Variants in MYBPH observed in about 807,000 individuals in gnomAD.
MYBPH encodes the protein myosin binding protein H.
In MYBPH, 49 loss-of-function variants were observed where a neutral mutation model predicts 53.6. The ratio of observed to expected loss-of-function variants is 0.91; its 90% CI spans 0.73 to 1.16. The LOEUF is 1.16. Among genes scored for constraint, MYBPH ranks in the 50% most tolerant of loss-of-function variants. The probability of loss-of-function intolerance (pLI) is 0.00; values close to 1 mark genes in which losing one functional copy is unlikely to be tolerated. For synonymous variants in MYBPH, 239 were observed against 249.6 expected (o/e 0.96, Z 0.40); for missense variants, 558 against 624.1 (o/e 0.89, Z 1.13).
Position 203,175,801 on chromosome 1 carries a change from C to T in MYBPH, c.-46G>A, listed in dbSNP as rs373385519. 9.4e-6 allele frequency: 15 copies of T among 1,599,186 alleles called. No homozygotes were observed. The highest frequency in any genetic ancestry group is 4.0e-5 in the African/African-American group (3 of 74,510). On this transcript the variant is annotated 5_prime_UTR_variant, in exon 1 of 11. Transcript: ENST00000255416. ...CAGGGTGGAGTGTGCAGGGGTCAGCCGTTGGGGGGCCTGGGCCTCTAGGGT... is the reference window on the plus strand; with the variant it reads ...CAGGGTGGAGTGTGCAGGGGTCAGCTGTTGGGGGGCCTGGGCCTCTAGGGT...
Position 203,175,805 on chromosome 1 carries a change from G to A in MYBPH, c.-50C>T, listed in dbSNP as rs577387043. ...GTGGAGTGTGCAGGGGTCAGCCGTT[G>A]GGGGGCCTGGGCCTCTAGGGTGCCT... On this transcript the variant is annotated 5_prime_UTR_variant, in exon 1 of 11. Transcript: ENST00000255416. The A allele has an allele frequency of 1.5e-4, 244 of 1,590,498 alleles. 2 individuals carry two copies. The South Asian group carries it at 2.5e-3, about 17-fold the overall frequency.
At chr1:203,176,657 GC>G (rs1215199950), upstream of MYBPH, among the ~76,000 whole-genome samples, 1 of 152,180 alleles carries the variant, frequency 6.6e-6, no homozygotes, top group Admixed American at 6.5e-5. Context: ...GGCAGATATG[GC>G]CAGATTTCTA....
upstream of MYBPH, among the ~76,000 whole-genome samples, chr1:203,176,043 C>A (rs111887817): frequency 6.6e-5 from 10 of 152,276 alleles, no homozygotes; most frequent in Middle Eastern, 3.4e-3. Context: ...TGCTGGTGCC[C>A]AGCTGGGGGA....
At chr1:203,179,138 G>A (rs552222824), upstream of MYBPH, 2 of 239,336 alleles carry the variant, frequency 8.4e-6, no homozygotes. Flanking sequence ...GGGCTGGGGG[G>A]CAGGGAGTTG....
chr1:203,168,670 C>G lies in MYBPH; in HGVS notation c.1423G>C (p.Ala475Pro). ...CTCCTCCCGTGACTTCAGTGTGCGGCTGAGGCTGGAAGAGATGCTGCAGTT... is the reference window on the plus strand; with the variant it reads ...CTCCTCCCGTGACTTCAGTGTGCGGGTGAGGCTGGAAGAGATGCTGCAGTT... The part of the protein sequence containing the change: ...VDCRLEVKAS[A>P]AH Residue 475 changes from alanine (A) to proline (P), a missense_variant, in exon 10 of 11, where the codon GCC (alanine) becomes CCC (proline). Coordinates refer to ENST00000255416, the MANE Select transcript of MYBPH (RefSeq NM_004997.3). 6.4e-7 allele frequency: 1 copy of G among 1,561,392 alleles called. No homozygotes were observed. The highest frequency in any genetic ancestry group is 2.4e-5 in the East Asian group (1 of 41,318).
chr1:203,175,335 C>G lies in MYBPH; in HGVS notation c.332G>C (p.Arg111Thr). 1 of 1,520,682 alleles carries G rather than the reference C, an allele frequency of 6.6e-7. No individual in the cohort carries two copies. Among genetic ancestry groups the G allele is most frequent in the Non-Finnish European group, 8.8e-7 (1 of 1,136,860 alleles). 94.2% of individuals were successfully genotyped at this position (1,520,682 alleles called of 1,614,324 possible). A position where few individuals can be genotyped will look rare whatever the true frequency, so the allele number is the denominator to read the frequency against. The change falls in exon 2 of 11, where the codon AGA becomes ACA. Residue 111 changes from arginine (R) to threonine (T), a missense_variant. Arg to Thr is a moderately conservative substitution (Grantham distance 71). Coordinates refer to ENST00000255416, the MANE Select transcript of MYBPH (RefSeq NM_004997.3). The stretch of plus-strand genomic sequence containing the variant: ...CTTAGCCCAGCACTCACCTCCCTCT[C>G]TGCAGAGCTCCAGCACATAGCCCTG... The part of the protein sequence containing the change: ...GLQGYVLELC[R>T]EGASEWVPVS...
Position 203,175,684 on chromosome 1 carries a change from C to T in MYBPH, c.72G>A (p.Val24=). The T allele has an allele frequency of 6.2e-7, 1 of 1,614,070 alleles. No homozygotes were observed. The highest frequency in any genetic ancestry group is 8.5e-7 in the Non-Finnish European group (1 of 1,180,002). ...CTTCTCCGGGAGGCTCTGCTGTGGGCACCTTGGCAGATTCAGATGCGGTCT... is the reference window on the plus strand; with the variant it reads ...CTTCTCCGGGAGGCTCTGCTGTGGGTACCTTGGCAGATTCAGATGCGGTCT... ...PEETASESAK[V]PTAEPPGEVA... The change falls in exon 1 of 11, where the codon GTG becomes GTA. Residue 24 remains valine, a synonymous_variant. Coordinates refer to ENST00000255416, the MANE Select transcript of MYBPH (RefSeq NM_004997.3).
At position 203,171,937 on chromosome 1, in the gene MYBPH, G is replaced by A. The variant is rs1312816770; in HGVS notation, c.597+15C>T. On this transcript the variant is annotated intron_variant, in intron 4 of 10. Coordinates refer to ENST00000255416, the MANE Select transcript of MYBPH (RefSeq NM_004997.3). This position sits in a 1 kb window ranked among gnomAD's most constrained non-coding sequence, Gnocchi z 4.2. ...TCCCACCCAGGCTGTTACCCTTGGT[G>A]GGGGTAATACCCACCTGGAAGGGGA... 3.8e-6 allele frequency: 5 copies of A among 1,323,078 alleles called. No individual in the cohort carries two copies. In the South Asian group the frequency reaches 8.8e-5, roughly 23 times the overall value. 82.0% of individuals were successfully genotyped at this position (1,323,078 alleles called of 1,614,324 possible).
Position 203,174,450 on chromosome 1 carries a change from A to G in MYBPH, c.488T>C (p.Ile163Thr). ...AGPPAMLDQP[I>T]HIRENIEAPK... is the part of the protein sequence containing the mutation. ...TTTACCAATGTTCTCTCGGATGTGG[A>G]TGGGCTGGTCCAGCATGGCCGGCGG... is the stretch of plus-strand genomic sequence containing the variant. The change falls in exon 3 of 11, where the codon ATC becomes ACC. Residue 163 changes from isoleucine to threonine, a missense_variant. Transcript: ENST00000255416. The G allele has an allele frequency of 6.2e-7, 1 of 1,603,002 alleles. No homozygotes were observed. Among genetic ancestry groups the G allele is most frequent in the Non-Finnish European group, 8.5e-7 (1 of 1,171,732 alleles).
Position 203,171,990 on chromosome 1 carries a change from G to A in MYBPH, c.559C>T (p.Gln187Ter), listed in dbSNP as rs1166905051. 2 of 1,326,000 alleles carry A rather than the reference G, an allele frequency of 1.5e-6. No individual in the cohort carries two copies. Among genetic ancestry groups the A allele is most frequent in the African/African-American group, 3.0e-5 (2 of 66,530 alleles). The allele number at this position is 1,326,000 out of a possible 1,614,324, so 82.1% of individuals were successfully genotyped here. A position where few individuals can be genotyped will look rare whatever the true frequency, so the allele number is the denominator to read the frequency against. The change falls in exon 4 of 11, where the codon CAG (glutamine) becomes TAG (stop). Residue 187 changes from glutamine to a stop codon, truncating the protein, a stop_gained. Coordinates refer to ENST00000255416, the MANE Select transcript of MYBPH (RefSeq NM_004997.3). LOFTEE classifies it high-confidence loss of function. This position sits in a 1 kb window ranked among gnomAD's most constrained non-coding sequence, Gnocchi z 4.2. ...PRHLRQTYIR[Q>*]VGETVNLQIP... ...TGCAGGTTGACCGTCTCTCCCACCT[G>A]GCGGATGTAGGTCTGACGGAGGTGG...
Position 203,169,033 on chromosome 1 carries a change from G to A in MYBPH, c.1290C>T (p.Ala430=), listed in dbSNP as rs775325404. The change falls in exon 9 of 11, where the codon GCC becomes GCT. Residue 430 remains alanine, a synonymous_variant. Coordinates refer to ENST00000255416, the MANE Select transcript of MYBPH (RefSeq NM_004997.3). ...GGGTGCAGACGCCTTGCTCAGAGAG[G>A]GCGCGGTATTTGGGGTTGCCCTGGA... ...MEIQGNPKYR[A]LSEQGVCTLE... is the part of the protein sequence containing the mutation. 4.3e-6 allele frequency: 7 copies of A among 1,613,838 alleles called. No homozygotes were observed. The Admixed American group carries it at 1.2e-4, about 27-fold the overall frequency.
At chr1:203,170,681 C>T (rs936858173) in intron 6 of MYBPH, among the ~76,000 whole-genome samples, 3 of 152,266 alleles carry the variant, frequency 2.0e-5, no homozygotes, top group African/African-American at 7.2e-5. Context: ...CAAAGTGTGG[C>T]CCATGGATGT....
chr1:203,168,780 TA>T (rs1180882348), intron 9 of MYBPH, 105 bp from the exon 10 acceptor site: 66 of 1,591,180 alleles, frequency 4.1e-5, no homozygotes, highest in Non-Finnish European at 5.3e-5. Context: ...GCTTGGAAAG[TA>T]ATCAGCACAG....
chr1:203,174,944 C>T (rs1361233858), intron 2 of MYBPH, among the ~76,000 whole-genome samples: 1 of 152,058 alleles, frequency 6.6e-6, no homozygotes, highest in African/African-American at 2.4e-5. Flanking sequence ...ACCCCATTCC[C>T]GCTTTCTCCT....
intron 3 of MYBPH, among the ~76,000 whole-genome samples, chr1:203,173,451 G>T (rs569971774): frequency 6.6e-6 from 1 of 152,200 alleles, no homozygotes; most frequent in Non-Finnish European, 1.5e-5. Context: ...TCAGACTCTG[G>T]GACTGCCAAT....
At position 203,168,362 on chromosome 1, in the gene MYBPH, C is replaced by T. The variant is rs534795680; in HGVS notation, c.*32+265G>A. ...AATGTGTCCAAAGAGAACACCCTTG[C>T]TGAAGATCACTCAGAGCTGGGAGTA... On this transcript the variant is annotated intron_variant, in intron 10 of 10. Transcript: ENST00000255416. 3.3e-5 allele frequency among the ~76,000 whole-genome samples: 5 copies of T among 152,346 alleles called. No homozygotes were observed. In the East Asian group the frequency reaches 9.6e-4, roughly 29 times the overall value.
chr1:203,175,594 G>A lies in MYBPH; in HGVS notation c.162C>T (p.Ala54=). Residue 54 remains alanine (A), a synonymous_variant, in exon 1 of 11, where the codon GCC becomes GCT. Transcript: ENST00000255416. ...VPKPQAPAPQ[A]PTASTATKPA... ...GCTTAGTGGCTGTGGAGGCTGTAGG[G>A]GCCTGTGGGGCAGGGGCCTGCGGCT... The A allele has an allele frequency of 1.9e-6, 3 of 1,613,852 alleles. No homozygotes were observed. The highest frequency in any genetic ancestry group is 1.7e-6 in the Non-Finnish European group (2 of 1,180,010).
At position 203,171,543 on chromosome 1, in the gene MYBPH, G is replaced by A. The variant is rs3737875; in HGVS notation, c.633C>T (p.Asn211=). ...KPKPQATWTH[N]GHALDSQRVS... is the part of the protein sequence containing the mutation. ...CCCGCTGGCTGTCCAGGGCATGGCC[G>A]TTGTGGGTCCATGTGGCCTGAGGCT... The change falls in exon 5 of 11, where the codon AAC becomes AAT. Residue 211 remains asparagine, a synonymous_variant. Transcript: ENST00000255416. The surrounding 1 kb of genome is among the most constrained non-coding windows in gnomAD (Gnocchi z 4.2). 0.11 allele frequency: 176,320 copies of A among 1,613,136 alleles called. 11,651 individuals carry two copies. The highest frequency in any genetic ancestry group is 0.37 in the East Asian group (16,446 of 44,860).
Position 203,170,462 on chromosome 1 carries a change from C to T in MYBPH, c.934-12G>A, listed in dbSNP as rs758297923. ...ACTGTGAACCATTGCTGCAGGGCCC[C>T]GGGTGTCACCCTCATTTCTCACCCC... On this transcript the variant is annotated splice_polypyrimidine_tract_variant and intron_variant, in intron 6 of 10. Transcript: ENST00000255416. 26 of 1,612,742 alleles carry T rather than the reference C, an allele frequency of 1.6e-5. 1 individual carries two copies. Among genetic ancestry groups the T allele is most frequent in the Middle Eastern group, 3.3e-4 (2 of 6,050 alleles).
Sources: gnomAD v4.1 joint callset for allele counts (sites outside exome capture counted in the v4.1 genomes callset) on GRCh38, gnomAD v4.1.1 for gene constraint, Gnocchi (gnomAD v3.1) non-coding constraint, MANE v1.5 for transcripts, NCBI Gene and HGNC (gene_info 2026-07-23, HGNC 2026-07-21) for gene names.